The following TMEM185A variants were observed in gnomAD, a reference collection of about 807,000 sequenced individuals.
TMEM185A encodes family with sequence similarity 11, member A.
In TMEM185A, 9 loss-of-function variants were observed where a neutral mutation model predicts 25.0. The ratio of observed to expected loss-of-function variants is 0.36; its 90% confidence interval spans 0.22 to 0.63. TMEM185A has a LOEUF of 0.63. TMEM185A is among the 20% of genes least tolerant of loss of function. The pLI is 0.68. For synonymous variants in TMEM185A, 45 were observed against 93.5 expected (o/e 0.48, Z 2.99); for missense variants, 103 against 237.4 (o/e 0.43, Z 3.72).
intron 3 of TMEM185A, among the ~76,000 whole-genome samples, chrX:149,604,380 A>G (rs5980360): frequency 0.19 from 20,458 of 110,145 alleles, 2,601 homozygotes; most frequent in African/African-American, 0.46. Context: ...AGACCACTAA[A>G]CTTCCTTCAT....
At chrX:149,602,588 CAT>C (rs782135576) in intron 4 of TMEM185A, among the ~76,000 whole-genome samples, 17 of 112,411 alleles carry the variant, frequency 1.5e-4, no homozygotes, top group Non-Finnish European at 3.0e-4. Context: ...CTATGGGAAA[CAT>C]GTACTCAGAC....
chrX:149,612,892 C>T (rs1441398570), intron 1 of TMEM185A, among the ~76,000 whole-genome samples: 5 of 111,923 alleles, frequency 4.5e-5, no homozygotes, highest in African/African-American at 1.6e-4. Context: ...AAATAGGCCC[C>T]TACATCTCAA....
intron 3 of TMEM185A, among the ~76,000 whole-genome samples, chrX:149,604,972 G>A (rs1335694159): frequency 1.8e-5 from 2 of 111,411 alleles, no homozygotes; most frequent in African/African-American, 6.6e-5. Context: ...GTGATGCTCC[G>A]CAGAGCCACA....
chrX:149,631,434 G>T, intron 1 of TMEM185A, 109 bp downstream of exon 1: 1 of 946,435 alleles, frequency 1.1e-6, no homozygotes, highest in Non-Finnish European at 1.4e-6. Context: ...CAGGCGCCCG[G>T]GTCCTCGGGC....
intron 1 of TMEM185A, among the ~76,000 whole-genome samples, chrX:149,615,302 A>G: frequency 8.9e-6 from 1 of 111,990 alleles, no homozygotes; most frequent in Middle Eastern, 4.6e-3. Flanking sequence ...AAAGCGTTAA[A>G]CAAATTAGGA....
chrX:149,620,455 AT>A (rs1282450303), intron 1 of TMEM185A, among the ~76,000 whole-genome samples: 1 of 111,668 alleles, frequency 9.0e-6, no homozygotes, highest in African/African-American at 3.3e-5. Context: ...TGAGATTAAT[AT>A]TTTTCTGCTT....
intron 2 of TMEM185A, among the ~76,000 whole-genome samples, chrX:149,610,856 C>G (rs1557354407): frequency 8.9e-6 from 1 of 112,200 alleles, no homozygotes; most frequent in East Asian, 2.8e-4. Context: ...GCCACCTCCC[C>G]TACACTGCTA....
chrX:149,616,741 G>A (rs782725016), intron 1 of TMEM185A, among the ~76,000 whole-genome samples: 3 of 112,226 alleles, frequency 2.7e-5, no homozygotes, highest in South Asian at 7.4e-4. Flanking sequence ...CAATCCCAGC[G>A]AAAATTGGGA....
At position 149,617,827 on chromosome X, in the gene TMEM185A, G is replaced by A. The variant is rs1020840465; in HGVS notation, c.39-6364C>T. On this transcript the variant is annotated intron_variant, in intron 1 of 6. Coordinates refer to ENST00000600449, the MANE Select transcript of TMEM185A (RefSeq NM_032508.4). ...TGAATTTTGATATATCCGTTCAATG[G>A]AATACTAATCAGCAGTAAAAAGTAA... Among the ~76,000 whole-genome samples the A allele has an allele frequency of 2.4e-4, 27 of 111,886 alleles. No individual in the cohort carries two copies. In the Admixed American group the frequency reaches 2.5e-3, roughly 10 times the overall value.
Position 149,631,735 on chromosome X carries a change from TCGCCGCCGCCGC to T in TMEM185A, c.-167_-156del. 265 of 335,598 alleles carry T rather than the reference TCGCCGCCGCCGC, an allele frequency of 7.9e-4. 8 individuals are homozygous for T. Among genetic ancestry groups the T allele is most frequent in the East Asian group, 7.1e-3 (96 of 13,615 alleles). 27.7% of individuals were successfully genotyped at this position (335,598 alleles called of 1,213,427 possible). Reference sequence around the variant, plus strand: ...GTCCCCGCTGCCGTCGCCGTCGCCGTCGCCGCCGCCGCCGCCGCCGCCGCCGCCGCCGCCGCC... The same window carrying T: ...GTCCCCGCTGCCGTCGCCGTCGCCGTCGCCGCCGCCGCCGCCGCCGCCGCC... On this transcript the variant is annotated 5_prime_UTR_variant, in exon 1 of 7. Coordinates refer to ENST00000600449, the MANE Select transcript of TMEM185A (RefSeq NM_032508.4).
intron 2 of TMEM185A, among the ~76,000 whole-genome samples, chrX:149,609,756 G>A (rs34998728): frequency 1.8e-5 from 2 of 112,197 alleles, no homozygotes; most frequent in South Asian, 7.4e-4. Flanking sequence ...GAATGACCAC[G>A]CCTGTACATT....
chrX:149,612,462 T>C (rs2090088888), intron 1 of TMEM185A, among the ~76,000 whole-genome samples: 1 of 112,450 alleles, frequency 8.9e-6, no homozygotes, highest in Non-Finnish European at 1.9e-5. Flanking sequence ...TTTATCTATC[T>C]ATAAAGACAC....
chrX:149,616,968 A>G (rs2090113612), intron 1 of TMEM185A, among the ~76,000 whole-genome samples: 1 of 112,510 alleles, frequency 8.9e-6, no homozygotes, highest in Non-Finnish European at 1.9e-5. Flanking sequence ...TGGAAAACAG[A>G]CCCATACATA....
chrX:149,630,409 T>C (rs185519235), intron 1 of TMEM185A, among the ~76,000 whole-genome samples: 1 of 111,536 alleles, frequency 9.0e-6, no homozygotes, highest in Non-Finnish European at 1.9e-5. Context: ...CTGTAAGGCA[T>C]CTTAAGTGTA....
At chrX:149,627,005 G>A (rs782024178) in intron 1 of TMEM185A, among the ~76,000 whole-genome samples, 22 of 112,033 alleles carry the variant, frequency 2.0e-4, no homozygotes, top group African/African-American at 6.8e-4. Flanking sequence ...TCCCAGGGAT[G>A]AGCAGGAGAC....
In TMEM185A at chrX:149,624,271, T is replaced by A. The variant is rs191945916; in HGVS notation, c.38+7272A>T. ...AGTGCTACCTGGGCCAAAGCTAGTATCCTCTCTGAAATTTACATGGAGCTT... is the reference window on the plus strand; with the variant it reads ...AGTGCTACCTGGGCCAAAGCTAGTAACCTCTCTGAAATTTACATGGAGCTT... On this transcript the variant is annotated intron_variant, in intron 1 of 6. Coordinates refer to ENST00000600449, the MANE Select transcript of TMEM185A (RefSeq NM_032508.4). Among the ~76,000 whole-genome samples, 102 of 112,476 alleles carry A rather than the reference T, an allele frequency of 9.1e-4. No homozygotes were observed. In the East Asian group the frequency reaches 0.013, roughly 15 times the overall value.
chrX:149,602,247 A>G (rs2090021593), intron 4 of TMEM185A: 1 of 111,568 alleles, frequency 9.0e-6, no homozygotes, highest in Admixed American at 9.5e-5. Context: ...AATTTTGAGG[A>G]AGTCCAAATT....
At chrX:149,623,956 AAAG>A (rs1475530464) in intron 1 of TMEM185A, among the ~76,000 whole-genome samples, 1 of 112,698 alleles carries the variant, frequency 8.9e-6, no homozygotes, top group Non-Finnish European at 1.9e-5. Flanking sequence ...CTGATTTGCA[AAAG>A]AATACACAAT....
At chrX:149,615,358 TGA>T (rs782759458) in intron 1 of TMEM185A, among the ~76,000 whole-genome samples, 76 of 112,158 alleles carry the variant, frequency 6.8e-4, no homozygotes, top group Admixed American at 4.5e-3. Context: ...TGCTTAATGG[TGA>T]GAGACTCAAT....
Sources: allele counts gnomAD v4.1 joint callset (sites outside exome capture counted in the v4.1 genomes callset), GRCh38; gene constraint gnomAD v4.1.1; transcripts MANE v1.5; gene names NCBI Gene and HGNC (gene_info 2026-07-23, HGNC 2026-07-21).